CGGBP1: variants seen among roughly 807,000 people sequenced by gnomAD.
CGGBP1 encodes CGG triplet repeat-binding protein 1.
A neutral mutation model predicts 11.4 loss-of-function variants in CGGBP1; 4 were observed. The ratio of observed to expected loss-of-function variants is 0.35; its 90% CI spans 0.17 to 0.80. The LOEUF is 0.80. Among genes scored for constraint, CGGBP1 ranks in the 30% least tolerant of loss-of-function variants. The pLI is 0.52. For missense variants in CGGBP1, 135 were observed against 202.1 expected, an observed-to-expected ratio of 0.67 and a Z score of 2.01; for synonymous variants, 76 against 74.1, an observed-to-expected ratio of 1.03 and a Z score of -0.13.
chr3:88,136,320 C>G (rs961227014), intron 2 of CGGBP1, among the ~76,000 whole-genome samples: 8 of 151,942 alleles, frequency 5.3e-5, no homozygotes, highest in Admixed American at 4.6e-4. Context: ...GGTAAACCTG[C>G]AAATATATTA....
intron 2 of CGGBP1, among the ~76,000 whole-genome samples, chr3:88,094,752 T>C (rs762927263): frequency 1.3e-5 from 2 of 152,150 alleles, no homozygotes; most frequent in Admixed American, 1.3e-4. Flanking sequence ...AATCTTGTGC[T>C]AAGTCAGATC....
At chr3:88,147,352 A>G (rs1243978826) in intron 1 of CGGBP1, among the ~76,000 whole-genome samples, 1 of 152,232 alleles carries the variant, frequency 6.6e-6, no homozygotes, top group Non-Finnish European at 1.5e-5. Context: ...TGACTAAAGT[A>G]TGGGAAACAG....
At chr3:88,109,607 G>A (rs968473722) in intron 2 of CGGBP1, among the ~76,000 whole-genome samples, 2 of 152,090 alleles carry the variant, frequency 1.3e-5, no homozygotes, top group African/African-American at 4.8e-5. Flanking sequence ...AAAAGAGTAA[G>A]GGTTAGCAGA....
At chr3:88,095,872 C>T (rs1704028765) in intron 2 of CGGBP1, 3 of 451,680 alleles carry the variant, frequency 6.6e-6, no homozygotes, top group Non-Finnish European at 8.5e-6. Flanking sequence ...AGATACTCCA[C>T]TTGCCACTTA....
chr3:88,139,107 G>A, intron 2 of CGGBP1: 1 of 1,266,632 alleles, frequency 7.9e-7, no homozygotes, highest in East Asian at 3.1e-5. Context: ...AAGCACACTG[G>A]AAAATAATGC....
At chr3:88,089,490 T>A (rs1360653990) in intron 2 of CGGBP1, among the ~76,000 whole-genome samples, 2 of 147,646 alleles carry the variant, frequency 1.4e-5, no homozygotes, top group South Asian at 2.1e-4. Context: ...AAACTCTGTT[T>A]AAAAAAAAAA....
intron 2 of CGGBP1, among the ~76,000 whole-genome samples, chr3:88,082,371 C>T (rs879255910): frequency 5.9e-5 from 9 of 152,280 alleles, no homozygotes; most frequent in East Asian, 1.9e-4. Flanking sequence ...GTGATCTGCC[C>T]GCCTTGGCCT....
At chr3:88,133,543 C>T (rs1487951036) in intron 2 of CGGBP1, among the ~76,000 whole-genome samples, 1 of 152,018 alleles carries the variant, frequency 6.6e-6, no homozygotes, top group African/African-American at 2.4e-5. Flanking sequence ...CTTGATAGGG[C>T]CTTTGAAAGA....
chr3:88,097,783 A>G (rs1322389796), intron 2 of CGGBP1, among the ~76,000 whole-genome samples: 1 of 152,216 alleles, frequency 6.6e-6, no homozygotes, highest in Non-Finnish European at 1.5e-5. Flanking sequence ...TTTGAAACCA[A>G]TGAGAACAAA....
intron 2 of CGGBP1, among the ~76,000 whole-genome samples, chr3:88,099,109 C>T (rs1704242585): frequency 6.6e-6 from 1 of 152,166 alleles, no homozygotes; most frequent in East Asian, 1.9e-4. Context: ...CCAAAATCTC[C>T]TTAAGCTGAT....
chr3:88,135,757 C>T lies in CGGBP1; in HGVS notation c.-229+5213G>A, dbSNP rs58686977. 3.1e-3 allele frequency among the ~76,000 whole-genome samples: 477 copies of T among 152,156 alleles called. 3 individuals are homozygous for T. Among genetic ancestry groups the T allele is most frequent in the African/African-American group, 0.011 (443 of 41,538 alleles). ...TGAGTACAATCCTACATGAGTCTTACGTAGACATGAAAGTGGATCCTGCAG... is the reference window on the plus strand; with the variant it reads ...TGAGTACAATCCTACATGAGTCTTATGTAGACATGAAAGTGGATCCTGCAG... On this transcript the variant is annotated intron_variant, in intron 2 of 3. Transcript: ENST00000462901.
chr3:88,127,525 T>C (rs1236227645), intron 2 of CGGBP1, among the ~76,000 whole-genome samples: 1 of 151,092 alleles, frequency 6.6e-6, no homozygotes, highest in African/African-American at 2.4e-5. Context: ...GAGTCAAATA[T>C]AGGGAAGGCA....
At chr3:88,082,443 A>G (rs766286767) in intron 2 of CGGBP1, among the ~76,000 whole-genome samples, 1 of 152,180 alleles carries the variant, frequency 6.6e-6, no homozygotes. Context: ...AGTTTTTAAA[A>G]GTGGCTGGAT....
At chr3:88,065,323 A>G (rs1559685645) in intron 2 of CGGBP1, among the ~76,000 whole-genome samples, 1 of 151,964 alleles carries the variant, frequency 6.6e-6, no homozygotes, top group East Asian at 1.9e-4. Context: ...GTTGACTTTC[A>G]GAGTTGAGTT....
At chr3:88,072,169 T>C (rs1240670878) in intron 2 of CGGBP1, among the ~76,000 whole-genome samples, 1 of 152,230 alleles carries the variant, frequency 6.6e-6, no homozygotes, top group Non-Finnish European at 1.5e-5. Flanking sequence ...CTAAAGGAAC[T>C]GAATTATCTA....
intron 2 of CGGBP1, among the ~76,000 whole-genome samples, chr3:88,092,652 T>G (rs1276332423): frequency 6.6e-6 from 1 of 152,226 alleles, no homozygotes; most frequent in South Asian, 2.1e-4. Context: ...TGACTTTAAA[T>G]TTTTTATTTG....
intron 2 of CGGBP1, among the ~76,000 whole-genome samples, chr3:88,113,808 T>TTG (rs1326740369): frequency 1.2e-4 from 9 of 72,204 alleles, no homozygotes; most frequent in African/African-American, 3.2e-4. Context: ...AGAACTGAAA[T>TTG]ATACAGACAA....
chr3:88,105,431 C>A (rs930196602), intron 2 of CGGBP1, among the ~76,000 whole-genome samples: 1 of 152,150 alleles, frequency 6.6e-6, no homozygotes, highest in South Asian at 2.1e-4. Context: ...TTGTCCTCTA[C>A]TGGTATGCAT....
chr3:88,121,598 T>C (rs530024938), intron 2 of CGGBP1, among the ~76,000 whole-genome samples: 1 of 152,314 alleles, frequency 6.6e-6, no homozygotes, highest in African/African-American at 2.4e-5. Context: ...TTAAACATGA[T>C]TGCCTTTTTG....
Sources: allele counts gnomAD v4.1 joint callset (sites outside exome capture counted in the v4.1 genomes callset), GRCh38; gene constraint gnomAD v4.1.1; transcripts MANE v1.5; gene names NCBI Gene and HGNC (gene_info 2026-07-23, HGNC 2026-07-21).